DNAJA1: variants seen among roughly 807,000 people sequenced by gnomAD.
DNAJA1 encodes the protein dnaJ homolog subfamily A member 1.
A neutral mutation model predicts 47.6 loss-of-function variants in DNAJA1; 26 were observed. The ratio of observed to expected loss-of-function variants is 0.55; its 90% CI spans 0.40 to 0.76. The LOEUF is 0.76. Among genes scored for constraint, DNAJA1 ranks in the 30% least tolerant of loss-of-function variants. The probability of loss-of-function intolerance (pLI) is 0.00; values close to 1 mark genes in which losing one functional copy is unlikely to be tolerated. For synonymous variants in DNAJA1, 165 were observed against 158.4 expected (o/e 1.04, Z -0.31); for missense variants, 315 against 485.0 (o/e 0.65, Z 3.29).
Position 33,029,867 on chromosome 9 carries a change from A to C in DNAJA1, c.311-18A>C. 6.3e-7 allele frequency: 1 copy of C among 1,580,278 alleles called. No individual in the cohort carries two copies. Among genetic ancestry groups the C allele is most frequent in the South Asian group, 1.1e-5 (1 of 87,432 alleles). Reference sequence around the variant, plus strand: ...CAGCATCTTAAACAGATTTGCAATGAGAAATATTTTGTTTTAGGTAAAAAT... The same window carrying C: ...CAGCATCTTAAACAGATTTGCAATGCGAAATATTTTGTTTTAGGTAAAAAT... On this transcript the variant is annotated intron_variant, in intron 3 of 8. Transcript: ENST00000330899.
At chr9:33,035,116 A>G (rs7469374) in intron 6 of DNAJA1, among the ~76,000 whole-genome samples, 49,080 of 149,536 alleles carry the variant, frequency 0.33, 8,307 homozygotes, top group Non-Finnish European at 0.37. Context: ...TTAATATTTC[A>G]GCTTGGTTTG....
chr9:33,026,720 AC>A (rs1234656946), intron 2 of DNAJA1, 92 bp from the exon 3 acceptor site: 1 of 1,565,330 alleles, frequency 6.4e-7, no homozygotes, highest in East Asian at 2.2e-5. Flanking sequence ...AACTATGATC[AC>A]TTCTCGGCCT....
chr9:33,036,801 C>T (rs112603003), intron 7 of DNAJA1, 112 bp downstream of exon 7: 53 of 843,218 alleles, frequency 6.3e-5, no homozygotes, highest in African/African-American at 6.0e-4. Context: ...TTTTCTTTCT[C>T]GGTTACATAT....
chr9:33,033,622 G>A (rs1838994019), intron 5 of DNAJA1, among the ~76,000 whole-genome samples: 1 of 152,112 alleles, frequency 6.6e-6, no homozygotes, highest in South Asian at 2.1e-4. Flanking sequence ...CCCAGGAGAT[G>A]GAGGCTGCAG....
At position 33,027,153 on chromosome 9, in the gene DNAJA1, GTT is replaced by G. The variant is rs60033892; in HGVS notation, c.310+178_310+179del. 2.7e-4 allele frequency among the ~76,000 whole-genome samples: 38 copies of G among 140,260 alleles called. 1 individual carries two copies. Among genetic ancestry groups the G allele is most frequent in the Admixed American group, 8.5e-4 (12 of 14,168 alleles). The allele number at this position is 140,260 out of a possible 152,430, so 92.0% of individuals were successfully genotyped here. ...TATGGTGTCGTGTTTTTTTGTTGTG[GTT>G]TTTTTTTTTTTTTTCTTGAGACGGA... On this transcript the variant is annotated intron_variant, in intron 3 of 8. Transcript: ENST00000330899.
At chr9:33,025,948 C>A (rs1838826990) in intron 1 of DNAJA1, among the ~76,000 whole-genome samples, 1 of 152,148 alleles carries the variant, frequency 6.6e-6, no homozygotes, top group African/African-American at 2.4e-5. Flanking sequence ...GCCTGAGGGG[C>A]GAGAGGGATT....
chr9:33,033,903 A>G (rs1376919302), intron 5 of DNAJA1, among the ~76,000 whole-genome samples: 2 of 152,186 alleles, frequency 1.3e-5, no homozygotes, highest in Non-Finnish European at 2.9e-5. Flanking sequence ...TTAATACTCT[A>G]AATATTGCTA....
chr9:33,038,978 T>C lies in DNAJA1; in HGVS notation c.*75T>C, dbSNP rs759627222. ...TGAGTGAAGGACTGTAATCATAATA[T>C]GCTCACTACTTGCTCTTGTTTTTGT... On this transcript the variant is annotated 3_prime_UTR_variant, in exon 9 of 9. Coordinates refer to ENST00000330899, the MANE Select transcript of DNAJA1 (RefSeq NM_001539.4). The C allele has an allele frequency of 3.3e-5, 43 of 1,308,770 alleles. No homozygotes were observed. Among genetic ancestry groups the C allele is most frequent in the Non-Finnish European group, 4.4e-5 (41 of 934,680 alleles). The allele number at this position is 1,308,770 out of a possible 1,614,324, so 81.1% of individuals were successfully genotyped here.
intron 1 of DNAJA1, among the ~76,000 whole-genome samples, 175 bp from the exon 2 acceptor site, chr9:33,026,300 T>G (rs1838846863): frequency 6.6e-6 from 1 of 152,280 alleles, no homozygotes; most frequent in African/African-American, 2.4e-5. Context: ...TTATTTGTTT[T>G]GTCTGTTCGA....
At chr9:33,033,450 G>A (rs1303002193) in intron 5 of DNAJA1, among the ~76,000 whole-genome samples, 4 of 151,902 alleles carry the variant, frequency 2.6e-5, no homozygotes, top group Non-Finnish European at 1.5e-5. Context: ...TCTGTAATCC[G>A]AACACTATAG....
intron 8 of DNAJA1, among the ~76,000 whole-genome samples, 196 bp from the exon 9 acceptor site, chr9:33,038,489 T>G (rs1384360413): frequency 6.6e-6 from 1 of 152,252 alleles, no homozygotes; most frequent in Non-Finnish European, 1.5e-5. Context: ...AAAGCCTGAC[T>G]TCTGGTCATA....
intron 4 of DNAJA1, among the ~76,000 whole-genome samples, 157 bp downstream of exon 4, chr9:33,030,146 T>G (rs186513171): frequency 6.6e-6 from 1 of 152,306 alleles, no homozygotes; most frequent in Admixed American, 6.5e-5. Flanking sequence ...GAAAACCAAC[T>G]GAAAACCTCC....
At chr9:33,036,739 C>G in intron 7 of DNAJA1, 50 bp downstream of exon 7, 1 of 1,378,922 alleles carries the variant, frequency 7.3e-7, no homozygotes, top group Non-Finnish European at 1.0e-6. Context: ...CTAGTATTTT[C>G]CTTGTCTCCT....
chr9:33,029,222 T>TTTACATGTCAATAA (rs1239239337), intron 3 of DNAJA1, among the ~76,000 whole-genome samples: 3 of 152,234 alleles, frequency 2.0e-5, no homozygotes, highest in African/African-American at 7.2e-5. Context: ...GATTGGTGGC[T>TTTACATGTCAATAA]GCTACGTTGG....
rs1169578746 is a variant in DNAJA1 at position 33,026,909 on chromosome 9, G to A, written c.229G>A (p.Ala77Thr). Residue 77 changes from alanine to threonine, a missense_variant, in exon 3 of 9, where the codon GCA (alanine) becomes ACA (threonine). Physicochemically the swap from Ala to Thr is moderately conservative, Grantham distance 58. Around this residue, in one of 4 missense-constraint regions of DNAJA1, gnomAD observed 100 missense variants for 163.0 expected, o/e 0.61. Transcript: ENST00000330899. ...AGAACAGGCAATTAAAGAGGGTGGA[G>A]CAGGTGGCGGTTTTGGCTCCCCCAT... ...GGEQAIKEGGAGGGFGSPMDI... is the reference protein window; with the variant it reads ...GGEQAIKEGGTGGGFGSPMDI... 1 of 1,614,212 alleles carries A rather than the reference G, an allele frequency of 6.2e-7. No homozygotes were observed. The highest frequency in any genetic ancestry group is 1.7e-5 in the Admixed American group (1 of 60,024).
intron 5 of DNAJA1, among the ~76,000 whole-genome samples, chr9:33,031,399 A>G (rs1369729992): frequency 6.6e-6 from 1 of 151,892 alleles, no homozygotes; most frequent in Non-Finnish European, 1.5e-5. Context: ...ACCCCGCCTC[A>G]TGTTTATTTT....
intron 2 of DNAJA1, 92 bp downstream of exon 2, chr9:33,026,708 G>C (rs935126737): frequency 3.2e-6 from 5 of 1,565,018 alleles, no homozygotes; most frequent in Non-Finnish European, 4.3e-6. Context: ...ATCTAATATA[G>C]TAACTATGAT....
At chr9:33,029,844 GCATCTTA>G in intron 3 of DNAJA1, 34 bp from the exon 4 acceptor site, 1 of 1,505,990 alleles carries the variant, frequency 6.6e-7, no homozygotes, top group Non-Finnish European at 9.1e-7. Flanking sequence ...ATAAGATCCA[GCATCTTA>G]AACAGATTTG....
intron 8 of DNAJA1, among the ~76,000 whole-genome samples, chr9:33,037,943 C>T (rs2119398120): frequency 6.6e-6 from 1 of 151,712 alleles, no homozygotes; most frequent in East Asian, 1.9e-4. Flanking sequence ...TAAAGCAATC[C>T]AGTCATTTTC....
Sources: gnomAD v4.1 joint callset for allele counts (sites outside exome capture counted in the v4.1 genomes callset) on GRCh38, gnomAD v4.1.1 for gene constraint, gnomAD v4.1.1 regional missense constraint, MANE v1.5 for transcripts, NCBI Gene and HGNC (gene_info 2026-07-23, HGNC 2026-07-21) for gene names.